CENPS: variants seen among roughly 807,000 people sequenced by gnomAD.
CENPS encodes the protein FANCM associated histone fold protein 1.
CENPS carries 16 observed loss-of-function variants against 17.9 expected under a neutral mutation model. The ratio of observed to expected loss-of-function variants is 0.90; its 90% CI spans 0.61 to 1.36. CENPS has a LOEUF of 1.36. Among genes scored for constraint, CENPS ranks in the 40% most tolerant of loss-of-function variants. The pLI is 0.00. For missense variants in CENPS, 160 were observed against 158.6 expected (o/e 1.01, Z -0.05); for synonymous variants, 49 against 55.8 (o/e 0.88, Z 0.54).
chr1:10,439,740 CA>C (rs796807486), intron 3 of CENPS, among the ~76,000 whole-genome samples: 51 of 140,828 alleles, frequency 3.6e-4, no homozygotes, highest in Admixed American at 3.6e-4. Flanking sequence ...GACTCTGTCT[CA>C]AAAAAAAAAA....
chr1:10,440,358 G>T lies in CENPS; in HGVS notation c.221G>T (p.Arg74Ile), dbSNP rs764240936. 6.2e-7 allele frequency: 1 copy of T among 1,613,732 alleles called. No individual in the cohort carries two copies. Among genetic ancestry groups the T allele is most frequent in the South Asian group, 1.1e-5 (1 of 90,956 alleles). The change falls in exon 4 of 5, where the codon AGA (arginine) becomes ATA (isoleucine). Residue 74 changes from arginine (R) to isoleucine (I), a missense_variant. Physicochemically the swap from Arg to Ile is moderately conservative, Grantham distance 97. Transcript: ENST00000309048. ...DLEMFARHAK[R>I]TTINTEDVKL... is the part of the protein sequence containing the mutation. ...TGCCCTTTCTGCAGACATGCGAAAA[G>T]AACCACAATTAACACTGAAGATGTG...
intron 3 of CENPS, among the ~76,000 whole-genome samples, chr1:10,437,026 C>CATTA (rs1489325862): frequency 6.6e-6 from 1 of 152,216 alleles, no homozygotes; most frequent in Non-Finnish European, 1.5e-5. Context: ...CCAAGACTAT[C>CATTA]ATTACCCCAG....
intron 1 of CENPS, among the ~76,000 whole-genome samples, chr1:10,433,290 G>A (rs991369924): frequency 6.6e-6 from 1 of 152,210 alleles, no homozygotes; most frequent in Non-Finnish European, 1.5e-5. Context: ...CCCCGTGGAG[G>A]TGGCCTCCCA....
At chr1:10,433,766 TG>T in intron 1 of CENPS, 75 bp from the exon 2 acceptor site, 3 of 1,598,046 alleles carry the variant, frequency 1.9e-6, no homozygotes, top group Non-Finnish European at 2.6e-6. Context: ...ACCCTCTCCT[TG>T]GTCTTCATTT....
At chr1:10,437,847 C>T (rs1463435826) in intron 3 of CENPS, among the ~76,000 whole-genome samples, 1 of 147,818 alleles carries the variant, frequency 6.8e-6, no homozygotes, top group Non-Finnish European at 1.5e-5. Context: ...ACTGCAGCTT[C>T]TGCCTTGCGG....
intron 3 of CENPS, 32 bp downstream of exon 3, chr1:10,434,722 G>T: frequency 6.3e-7 from 1 of 1,579,806 alleles, no homozygotes; most frequent in Non-Finnish European, 8.6e-7. Flanking sequence ...CCGACACTGC[G>T]TCTGTGTAGC....
intron 1 of CENPS, 115 bp downstream of exon 1, chr1:10,430,683 C>T (rs910217017): frequency 4.2e-6 from 6 of 1,426,038 alleles, no homozygotes; most frequent in African/African-American, 3.3e-5. Context: ...CCCGGGCGCC[C>T]CCCGCGGCTG....
chr1:10,440,092 C>T, intron 3 of CENPS: 1 of 504,892 alleles, frequency 2.0e-6, no homozygotes, highest in Non-Finnish European at 3.4e-6. Flanking sequence ...CCTGTCTGTG[C>T]TCTTATGCTT....
In CENPS at chr1:10,433,284, G is replaced by A. The variant is rs116559873; in HGVS notation, c.52-558G>A. On this transcript the variant is annotated intron_variant, in intron 1 of 4. Transcript: ENST00000309048. ...TTTGCCAAGGAGCAGTGAGGGCCCC[G>A]TGGAGGTGGCCTCCCAACCCTCCAA... Among the ~76,000 whole-genome samples, 512 of 152,278 alleles carry A rather than the reference G, an allele frequency of 3.4e-3. 4 individuals are homozygous for A. Among genetic ancestry groups the A allele is most frequent in the African/African-American group, 0.012 (484 of 41,554 alleles).
rs1022572243 is a variant in CENPS, at chr1:10,433,734, C to T, written c.52-108C>T. On this transcript the variant is annotated intron_variant, in intron 1 of 4. Transcript: ENST00000309048. ...AGCCACTCAGCCATTATGGAAAGCGCCAGAGGGATTGGGCTGAGCAGACCC... is the reference window on the plus strand; with the variant it reads ...AGCCACTCAGCCATTATGGAAAGCGTCAGAGGGATTGGGCTGAGCAGACCC... 1.2e-5 allele frequency: 18 copies of T among 1,548,394 alleles called. 1 individual carries two copies. The Admixed American group carries it at 3.2e-4, about 27-fold the overall frequency.
At chr1:10,431,302 C>A in intron 1 of CENPS, 1 of 1,535,226 alleles carries the variant, frequency 6.5e-7, no homozygotes. Context: ...GAGCTCCAGA[C>A]GCGGGAGTTT....
At chr1:10,431,878 C>A (rs1288960911) in intron 1 of CENPS, among the ~76,000 whole-genome samples, 1 of 145,606 alleles carries the variant, frequency 6.9e-6, no homozygotes, top group Non-Finnish European at 1.5e-5. Context: ...AAAAGGCATT[C>A]TCCTACTACA....
chr1:10,439,708 T>A (rs981723163), intron 3 of CENPS, among the ~76,000 whole-genome samples: 1 of 151,572 alleles, frequency 6.6e-6, no homozygotes, highest in African/African-American at 2.4e-5. Context: ...GCCACTGCCC[T>A]CCAGTCTGGG....
chr1:10,430,572 C>G lies in CENPS; in HGVS notation c.51+4C>G. The G allele has an allele frequency of 6.5e-7, 1 of 1,533,610 alleles. No homozygotes were observed. The highest frequency in any genetic ancestry group is 1.4e-5 in the African/African-American group (1 of 70,042). On this transcript the variant is annotated splice_donor_region_variant and intron_variant, in intron 1 of 4. Coordinates refer to ENST00000309048, the MANE Select transcript of CENPS (RefSeq NM_199294.3). ...GCAGCGATTCTCTTACCAACAGGTA[C>G]AGGAAAACGGGGGTCGGGCTGGGCT...
At chr1:10,441,620 CTTTTTTTT>C (rs34369229) in intron 4 of CENPS, among the ~76,000 whole-genome samples, 3 of 48,330 alleles carry the variant, frequency 6.2e-5, no homozygotes, top group East Asian at 6.6e-4. Context: ...GGCTACAACT[CTTTTTTTT>C]TTTTTTTTTT....
chr1:10,438,709 A>C (rs1371308090), intron 3 of CENPS, among the ~76,000 whole-genome samples: 1 of 152,124 alleles, frequency 6.6e-6, no homozygotes, highest in East Asian at 1.9e-4. Flanking sequence ...CTGCCCCTCC[A>C]TTGAGGGCCT....
chr1:10,433,274 T>G (rs1285682541), intron 1 of CENPS, among the ~76,000 whole-genome samples: 1 of 152,168 alleles, frequency 6.6e-6, no homozygotes, highest in Admixed American at 6.5e-5. Flanking sequence ...CAAGGAGCAG[T>G]GAGGGCCCCG....
Position 10,433,901 on chromosome 1 carries a change from CAA to C in CENPS, c.113_114del (p.Lys38ArgfsTer21), listed in dbSNP as rs1227028815. ...GTCTTTGCGAGGAAGTTGCATTGGA[CAA>C]AGAGATGCAGTTCAGCAAACAGACC... ...GCLCEEVALD[K>X]EMQFSKQTIA... is the part of the protein sequence containing the mutation. On this transcript the variant is annotated frameshift_variant, in exon 2 of 5. Coordinates refer to ENST00000309048, the MANE Select transcript of CENPS (RefSeq NM_199294.3). LOFTEE classifies it high-confidence loss of function. 3 of 1,614,066 alleles carry C rather than the reference CAA, an allele frequency of 1.9e-6. No individual in the cohort carries two copies. Among genetic ancestry groups the C allele is most frequent in the Middle Eastern group, 1.6e-4 (1 of 6,084 alleles).
intron 3 of CENPS, among the ~76,000 whole-genome samples, chr1:10,439,229 G>A (rs1056481098): frequency 6.6e-6 from 1 of 152,174 alleles, no homozygotes; most frequent in African/African-American, 2.4e-5. Context: ...CATGTGTGCT[G>A]GCCAGTTTGC....
Sources: allele counts gnomAD v4.1 joint callset (sites outside exome capture counted in the v4.1 genomes callset), GRCh38; gene constraint gnomAD v4.1.1; transcripts MANE v1.5; gene names NCBI Gene and HGNC (gene_info 2026-07-23, HGNC 2026-07-21).